EPHA6: variants seen among roughly 807,000 people sequenced by gnomAD.
The protein encoded by EPHA6 is ephrin type-A receptor 6.
In EPHA6, 50 loss-of-function variants were observed where a neutral mutation model predicts 112.0. The observed-to-expected ratio is 0.45, with a 90% CI of 0.36 to 0.56. EPHA6 has a LOEUF of 0.56. Among genes scored for constraint, EPHA6 ranks in the 20% least tolerant of loss-of-function variants. The pLI is 0.00. For synonymous variants in EPHA6, 529 were observed against 490.7 expected (o/e 1.08, Z -1.03); for missense variants, 1,280 against 1,417.4 (o/e 0.90, Z 1.56).
At chr3:96,927,754 G>A (rs2040112569) in intron 2 of EPHA6, among the ~76,000 whole-genome samples, 1 of 152,106 alleles carries the variant, frequency 6.6e-6, no homozygotes, top group Non-Finnish European at 1.5e-5. Flanking sequence ...CTGTTCCAAA[G>A]TCACTTCCAC....
chr3:97,328,863 C>T (rs774717672), intron 5 of EPHA6, among the ~76,000 whole-genome samples: 5 of 151,962 alleles, frequency 3.3e-5, no homozygotes, highest in Admixed American at 6.6e-5. Context: ...ATGTGCACAA[C>T]GTGCAGGTTT....
intron 5 of EPHA6, among the ~76,000 whole-genome samples, chr3:97,359,113 T>G (rs1051625748): frequency 6.6e-6 from 1 of 151,972 alleles, no homozygotes; most frequent in African/African-American, 2.4e-5. Flanking sequence ...TTGGGAGGTT[T>G]TCAGCCTTTA....
At chr3:97,144,505 A>G (rs1195919925) in intron 3 of EPHA6, among the ~76,000 whole-genome samples, 1 of 150,760 alleles carries the variant, frequency 6.6e-6, no homozygotes, top group Non-Finnish European at 1.5e-5. Context: ...ATACACTGCA[A>G]TCTTAATTTT....
At chr3:97,133,466 T>C (rs1183546918) in intron 3 of EPHA6, among the ~76,000 whole-genome samples, 1 of 152,040 alleles carries the variant, frequency 6.6e-6, no homozygotes, top group Non-Finnish European at 1.5e-5. Flanking sequence ...TCAATAAATA[T>C]TTATTAGAAA....
At chr3:97,732,251 C>A (rs1039064965) in intron 15 of EPHA6, among the ~76,000 whole-genome samples, 3 of 151,440 alleles carry the variant, frequency 2.0e-5, no homozygotes, top group Non-Finnish European at 4.4e-5. Context: ...TTCTAGATCA[C>A]ATCTCCTTTC....
chr3:97,039,429 A>G (rs1162036784), intron 3 of EPHA6, among the ~76,000 whole-genome samples: 4 of 152,102 alleles, frequency 2.6e-5, no homozygotes, highest in Admixed American at 2.6e-4. Flanking sequence ...AGTGGTAGAC[A>G]CAAGCCTGTT....
intron 14 of EPHA6, among the ~76,000 whole-genome samples, chr3:97,665,724 A>C (rs1442152164): frequency 6.6e-6 from 1 of 152,118 alleles, no homozygotes; most frequent in Non-Finnish European, 1.5e-5. Flanking sequence ...GTCTTTCTTC[A>C]CCTGTCTTCC....
At chr3:97,544,730 G>T (rs1315376094) in intron 11 of EPHA6, among the ~76,000 whole-genome samples, 3 of 152,042 alleles carry the variant, frequency 2.0e-5, no homozygotes, top group Non-Finnish European at 4.4e-5. Flanking sequence ...CTGGACTTTT[G>T]TTGGTTGGTA....
intron 14 of EPHA6, among the ~76,000 whole-genome samples, chr3:97,671,460 C>A (rs1181296970): frequency 1.3e-5 from 2 of 152,018 alleles, no homozygotes; most frequent in African/African-American, 4.8e-5. Flanking sequence ...TTTAATCAAG[C>A]CTGGTTGGGT....
chr3:97,525,760 G>A (rs1451736865), intron 10 of EPHA6, among the ~76,000 whole-genome samples: 1 of 152,172 alleles, frequency 6.6e-6, no homozygotes, highest in African/African-American at 2.4e-5. Flanking sequence ...ACTGCAGTTG[G>A]CAGTGTTGTT....
At chr3:97,430,105 A>G (rs75755234) in intron 6 of EPHA6, among the ~76,000 whole-genome samples, 2,268 of 152,312 alleles carry the variant, frequency 0.015, 50 homozygotes, top group African/African-American at 0.051. Flanking sequence ...TTATTTATAA[A>G]TGAAATTAAA....
At chr3:96,882,345 G>GT (rs1428824731) in intron 2 of EPHA6, among the ~76,000 whole-genome samples, 1 of 152,102 alleles carries the variant, frequency 6.6e-6, no homozygotes, top group Non-Finnish European at 1.5e-5. Context: ...TCCTAATTCT[G>GT]TTTTTTATTT....
At chr3:97,538,249 T>C (rs1285485589) in intron 11 of EPHA6, among the ~76,000 whole-genome samples, 2 of 152,128 alleles carry the variant, frequency 1.3e-5, no homozygotes, top group Admixed American at 6.5e-5. Context: ...AAGGGATAGA[T>C]TCTAGATCTA....
At chr3:96,836,269 G>A (rs1200920087) in intron 1 of EPHA6, among the ~76,000 whole-genome samples, 1 of 151,902 alleles carries the variant, frequency 6.6e-6, no homozygotes, top group Non-Finnish European at 1.5e-5. Flanking sequence ...TGCTACCATG[G>A]GGAAACATAT....
intron 12 of EPHA6, among the ~76,000 whole-genome samples, chr3:97,608,904 A>G (rs1462858996): frequency 6.6e-6 from 1 of 151,304 alleles, no homozygotes; most frequent in Non-Finnish European, 1.5e-5. Context: ...TCTGAGACAG[A>G]CTACTTGATA....
intron 15 of EPHA6, among the ~76,000 whole-genome samples, chr3:97,725,664 G>A (rs1245700529): frequency 6.6e-6 from 1 of 152,050 alleles, no homozygotes; most frequent in Non-Finnish European, 1.5e-5. Context: ...ATTGACATTT[G>A]GGGCCAAAAA....
In EPHA6 at chr3:97,159,851, T is replaced by G. The variant is rs537610168; in HGVS notation, c.1115-66413T>G. 6.6e-5 allele frequency among the ~76,000 whole-genome samples: 10 copies of G among 152,306 alleles called. No individual in the cohort carries two copies. The South Asian group carries it at 2.1e-3, about 32-fold the overall frequency. On this transcript the variant is annotated intron_variant, in intron 3 of 17. Transcript: ENST00000389672. ...TCCACAGAAGTTTTGGCAGAAGTAT[T>G]GCATGTAAGGAATGCAAATATGTAT...
intron 1 of EPHA6, among the ~76,000 whole-genome samples, chr3:96,850,813 T>C (rs62262939): frequency 0.22 from 33,479 of 152,050 alleles, 6,512 homozygotes; most frequent in African/African-American, 0.49. Flanking sequence ...TTAATGTTAC[T>C]ATCAGATTTC....
chr3:97,272,712 G>T (rs187939134), intron 5 of EPHA6, among the ~76,000 whole-genome samples: 1 of 151,976 alleles, frequency 6.6e-6, no homozygotes, highest in African/African-American at 2.4e-5. Flanking sequence ...AAGGAATTTC[G>T]CAAGGTAATG....
Sources: allele counts gnomAD v4.1 joint callset (sites outside exome capture counted in the v4.1 genomes callset), GRCh38; gene constraint gnomAD v4.1.1; transcripts MANE v1.5; gene names NCBI Gene and HGNC (gene_info 2026-07-23, HGNC 2026-07-21).